Variants in STK32B observed in about 807,000 individuals in gnomAD.
The protein encoded by STK32B is serine/threonine kinase 32B.
In STK32B, 43 loss-of-function variants were observed where a neutral mutation model predicts 52.6. The ratio of observed to expected loss-of-function variants is 0.82; its 90% CI spans 0.64 to 1.05. The LOEUF is 1.05. Among genes scored for constraint, STK32B ranks in the 50% least tolerant of loss-of-function variants. STK32B has a pLI of 0.00. For synonymous variants in STK32B, 238 were observed against 204.3 expected (o/e 1.17, Z -1.41); for missense variants, 621 against 534.6 (o/e 1.16, Z -1.59).
At chr4:5,189,014 TA>T (rs78002999) in intron 3 of STK32B, among the ~76,000 whole-genome samples, 7,726 of 143,276 alleles carry the variant, frequency 0.054, 356 homozygotes, top group Admixed American at 0.17. Context: ...AGGTATAATT[TA>T]AAAAAAAAAA....
At chr4:5,462,404 C>G (rs1032752070) in intron 9 of STK32B, among the ~76,000 whole-genome samples, 11 of 150,214 alleles carry the variant, frequency 7.3e-5, no homozygotes, top group South Asian at 4.2e-4. Flanking sequence ...GTGTGTGCAT[C>G]TGTGTGTGTG....
intron 3 of STK32B, among the ~76,000 whole-genome samples, chr4:5,257,631 T>A (rs532499669): frequency 5.9e-4 from 90 of 152,296 alleles, no homozygotes; most frequent in Non-Finnish European, 1.1e-3. Context: ...CTTCAGTGAC[T>A]CCCACTTCAC....
At chr4:5,291,628 A>G (rs1266617605) in intron 3 of STK32B, among the ~76,000 whole-genome samples, 2 of 152,084 alleles carry the variant, frequency 1.3e-5, no homozygotes, top group African/African-American at 2.4e-5. Flanking sequence ...TCTAATCTAG[A>G]TGGCTTTTAT....
At chr4:5,170,975 C>A (rs1553843464) in intron 3 of STK32B, among the ~76,000 whole-genome samples, 5 of 152,168 alleles carry the variant, frequency 3.3e-5, no homozygotes, top group Non-Finnish European at 7.3e-5. Context: ...CCTGTTGTTT[C>A]CTGACTTTTT....
chr4:5,024,587 A>G, the STK32B span, among the ~76,000 whole-genome samples: 2 of 152,286 alleles, frequency 1.3e-5, no homozygotes, highest in East Asian at 3.9e-4. Context: ...ACCACTGAAG[A>G]AAGTCCTGAG....
intron 4 of STK32B, among the ~76,000 whole-genome samples, chr4:5,339,012 C>T (rs1732895103): frequency 6.6e-6 from 1 of 152,150 alleles, no homozygotes; most frequent in South Asian, 2.1e-4. Flanking sequence ...TCAACGATTC[C>T]TCTGAGGGCC....
At chr4:5,397,090 A>G (rs573438052) in intron 4 of STK32B, among the ~76,000 whole-genome samples, 1 of 152,370 alleles carries the variant, frequency 6.6e-6, no homozygotes, top group Admixed American at 6.5e-5. Flanking sequence ...ATTGCATTGC[A>G]TTACTACAAA....
chr4:5,350,119 A>C (rs529336403), intron 4 of STK32B, among the ~76,000 whole-genome samples: 16 of 152,188 alleles, frequency 1.1e-4, no homozygotes, highest in African/African-American at 3.9e-4. Context: ...CAAGAAGTTC[A>C]AAGGTCCTGG....
intron 1 of STK32B, among the ~76,000 whole-genome samples, chr4:5,071,656 G>A (rs988816749): frequency 1.3e-5 from 2 of 152,132 alleles, no homozygotes; most frequent in Non-Finnish European, 2.9e-5. Context: ...TCTTCCTGGA[G>A]AATCAAAGGA....
At chr4:5,330,083 T>C (rs933773711) in intron 3 of STK32B, among the ~76,000 whole-genome samples, 2 of 152,148 alleles carry the variant, frequency 1.3e-5, no homozygotes, top group African/African-American at 4.8e-5. Context: ...GGATTTGGGT[T>C]CTTGTCCTCA....
intron 3 of STK32B, among the ~76,000 whole-genome samples, chr4:5,323,398 C>G (rs1483510925): frequency 1.3e-5 from 2 of 152,134 alleles, no homozygotes; most frequent in African/African-American, 4.8e-5. Flanking sequence ...GGGGACTGTG[C>G]TGAGCACGGC....
At chr4:5,366,315 C>G (rs1376492461) in intron 4 of STK32B, among the ~76,000 whole-genome samples, 1 of 151,698 alleles carries the variant, frequency 6.6e-6, no homozygotes, top group Admixed American at 6.6e-5. Flanking sequence ...ATTCTGTTTG[C>G]TCGCACCTTC....
At chr4:5,105,534 A>G (rs1487191366) in intron 1 of STK32B, among the ~76,000 whole-genome samples, 1 of 145,466 alleles carries the variant, frequency 6.9e-6, no homozygotes, top group Non-Finnish European at 1.5e-5. Flanking sequence ...ATCTGCTCCT[A>G]TTCTATATTG....
chr4:5,353,133 G>A (rs1560345114), intron 4 of STK32B, among the ~76,000 whole-genome samples: 1 of 152,062 alleles, frequency 6.6e-6, no homozygotes, highest in Admixed American at 6.6e-5. Context: ...TTTTGACCAA[G>A]ATGCCAAGAA....
At chr4:5,122,916 G>A (rs1251135556) in intron 1 of STK32B, among the ~76,000 whole-genome samples, 1 of 152,096 alleles carries the variant, frequency 6.6e-6, no homozygotes, top group East Asian at 1.9e-4. Context: ...AGCTGTTGGT[G>A]CTCTTCCACC....
Position 5,064,402 on chromosome 4 carries a change from T to TAA in STK32B, c.52+12488_52+12489insAA. ...TATAATATATAAATATATACTTATA[T>TAA]ACATATAATATATAAATATATACTT... On this transcript the variant is annotated intron_variant, in intron 1 of 11. Coordinates refer to ENST00000282908, the MANE Select transcript of STK32B (RefSeq NM_018401.3). Among the ~76,000 whole-genome samples the TAA allele has an allele frequency of 2.6e-5, 3 of 117,038 alleles. 1 individual carries two copies. The highest frequency in any genetic ancestry group is 5.3e-5 in the Non-Finnish European group (3 of 56,998). The allele number at this position is 117,038 out of a possible 152,430, so 76.8% of individuals were successfully genotyped here. A position where few individuals can be genotyped will look rare whatever the true frequency, so the allele number is the denominator to read the frequency against.
intron 3 of STK32B, among the ~76,000 whole-genome samples, chr4:5,274,396 G>C (rs1374465256): frequency 6.6e-6 from 1 of 152,088 alleles, no homozygotes; most frequent in Non-Finnish European, 1.5e-5. Flanking sequence ...GGGGGGTAGG[G>C]TGGGACAGAC....
chr4:5,249,422 TCTTC>T (rs72091426), intron 3 of STK32B, among the ~76,000 whole-genome samples: 22,992 of 130,366 alleles, frequency 0.18, 2,656 homozygotes, highest in Middle Eastern at 0.25. Flanking sequence ...GCCTGTCTGT[TCTTC>T]CTTCCTTCCT....
intron 3 of STK32B, among the ~76,000 whole-genome samples, chr4:5,267,326 G>A (rs1383184976): frequency 6.6e-6 from 1 of 152,128 alleles, no homozygotes; most frequent in Non-Finnish European, 1.5e-5. Flanking sequence ...TTGAATAAAA[G>A]GAAAAACATT....
Sources: gnomAD v4.1 joint callset for allele counts (sites outside exome capture counted in the v4.1 genomes callset) on GRCh38, gnomAD v4.1.1 for gene constraint, MANE v1.5 for transcripts, NCBI Gene and HGNC (gene_info 2026-07-23, HGNC 2026-07-21) for gene names.